Variants in PAPPA2 observed in about 807,000 individuals in gnomAD.
PAPPA2 encodes the protein pappalysin-2.
PAPPA2 carries 86 observed loss-of-function variants against 176.4 expected under a neutral mutation model. The observed-to-expected ratio is 0.49, with a 90% CI of 0.41 to 0.58. The LOEUF (loss-of-function observed/expected upper bound fraction) is 0.58. PAPPA2 is among the 20% of genes least tolerant of loss of function. The pLI, the probability that PAPPA2 is intolerant of heterozygous loss-of-function variation, is 0.00. For synonymous variants in PAPPA2, 809 were observed against 852.2 expected, an observed-to-expected ratio of 0.95 and a Z score of 0.88; for missense variants, 2,073 against 2,256.9, an observed-to-expected ratio of 0.92 and a Z score of 1.65.
At chr1:176,763,892 G>A (rs1045761571) in intron 14 of PAPPA2, among the ~76,000 whole-genome samples, 4 of 152,258 alleles carry the variant, frequency 2.6e-5, no homozygotes, top group African/African-American at 9.6e-5. Flanking sequence ...CTGAATGCCT[G>A]ATACTGGGTA....
At chr1:176,741,116 T>C (rs553930251) in intron 14 of PAPPA2, among the ~76,000 whole-genome samples, 30 of 152,260 alleles carry the variant, frequency 2.0e-4, no homozygotes, top group African/African-American at 7.2e-4. Context: ...ATACCAAAAG[T>C]CAATGGCTGA....
chr1:176,842,638 C>A lies in PAPPA2; in HGVS notation c.*184C>A. On this transcript the variant is annotated 3_prime_UTR_variant, in exon 23 of 23. Transcript: ENST00000367662. ...GGTGTGAACTAGTTCATCAAGTAGC[C>A]CAAGTAGGAGAGAATCATAGGCAAA... 8 of 583,066 alleles carry A rather than the reference C, an allele frequency of 1.4e-5. No homozygotes were observed. The highest frequency in any genetic ancestry group is 2.9e-5 in the East Asian group (1 of 34,080). 36.1% of individuals were successfully genotyped at this position (583,066 alleles called of 1,614,324 possible). A position where few individuals can be genotyped will look rare whatever the true frequency, so the allele number is the denominator to read the frequency against.
intron 1 of PAPPA2, among the ~76,000 whole-genome samples, chr1:176,530,810 G>A (rs1649770311): frequency 6.6e-6 from 1 of 152,198 alleles, no homozygotes; most frequent in Admixed American, 6.5e-5. Context: ...ATTTCATGGA[G>A]TTCCCTTAGA....
At chr1:176,612,614 G>A (rs955450777) in intron 3 of PAPPA2, among the ~76,000 whole-genome samples, 3 of 152,104 alleles carry the variant, frequency 2.0e-5, no homozygotes, top group African/African-American at 7.2e-5. Flanking sequence ...CTTCTCAAGA[G>A]AACAACTGCC....
chr1:176,484,904 C>T (rs920067318), intron 1 of PAPPA2, among the ~76,000 whole-genome samples: 1 of 152,206 alleles, frequency 6.6e-6, no homozygotes, highest in Non-Finnish European at 1.5e-5. Context: ...TCACTTCTTT[C>T]CTGCCCCAGC....
At chr1:176,479,801 G>C (rs541837319) in intron 1 of PAPPA2, among the ~76,000 whole-genome samples, 9 of 152,192 alleles carry the variant, frequency 5.9e-5, no homozygotes. Context: ...AAGCACTGCA[G>C]TCAGGAAGCC....
intron 1 of PAPPA2, among the ~76,000 whole-genome samples, chr1:176,506,941 A>T (rs148710054): frequency 6.6e-6 from 1 of 152,242 alleles, no homozygotes; most frequent in East Asian, 1.9e-4. Context: ...GACAAGTGAG[A>T]CCTAATTAAA....
chr1:176,492,629 G>T (rs1034040074), intron 1 of PAPPA2, among the ~76,000 whole-genome samples: 1 of 152,244 alleles, frequency 6.6e-6, no homozygotes, highest in Admixed American at 6.5e-5. Flanking sequence ...AGTGTGGTGG[G>T]GGTAGTGGTG....
chr1:176,588,195 T>C (rs2102640200), intron 2 of PAPPA2, among the ~76,000 whole-genome samples: 1 of 152,350 alleles, frequency 6.6e-6, no homozygotes. Context: ...AGTTCATTCA[T>C]GATTTGGCTC....
Position 176,765,784 on chromosome 1 carries a change from C to T in PAPPA2, c.4270C>T (p.Gln1424Ter). The change falls in exon 15 of 23, where the codon CAA becomes TAA. Residue 1424 changes from glutamine to a stop codon, truncating the protein, a stop_gained. Coordinates refer to ENST00000367662, the MANE Select transcript of PAPPA2 (RefSeq NM_020318.3). LOFTEE classifies it high-confidence loss of function. ...PGLMKCAITCQRGFALQASSG... is the reference protein window; with the variant it reads ...PGLMKCAITC ...TCTCATGAAGTGTGCTATCACTTGTCAAAGGGGATTTGCCCTTCAGGCCAG... is the reference window on the plus strand; with the variant it reads ...TCTCATGAAGTGTGCTATCACTTGTTAAAGGGGATTTGCCCTTCAGGCCAG... The T allele has an allele frequency of 1.9e-6, 3 of 1,614,074 alleles. No individual in the cohort carries two copies. Among genetic ancestry groups the T allele is most frequent in the Non-Finnish European group, 2.5e-6 (3 of 1,180,022 alleles).
intron 6 of PAPPA2, among the ~76,000 whole-genome samples, chr1:176,693,294 C>T (rs1660210646): frequency 6.6e-6 from 1 of 152,174 alleles, no homozygotes; most frequent in Admixed American, 6.5e-5. Flanking sequence ...AAACGCAGTT[C>T]CTGCTAAATA....
intron 1 of PAPPA2, among the ~76,000 whole-genome samples, chr1:176,529,733 C>T (rs1312964279): frequency 2.6e-5 from 4 of 152,106 alleles, no homozygotes; most frequent in Non-Finnish European, 4.4e-5. Context: ...GTTTTCAATA[C>T]CGTGGAACGT....
Position 176,556,603 on chromosome 1 carries a change from G to A in PAPPA2, c.281G>A (p.Arg94His), listed in dbSNP as rs1322260361. The A allele has an allele frequency of 2.5e-6, 4 of 1,614,174 alleles. No homozygotes were observed. The highest frequency in any genetic ancestry group is 3.4e-6 in the Non-Finnish European group (4 of 1,180,040). The change falls in exon 2 of 23, where the codon CGC (arginine) becomes CAC (histidine). Residue 94 changes from arginine (R) to histidine (H), a missense_variant. Arg to His is a conservative substitution (Grantham distance 29). This residue lies in a region of PAPPA2 where 1,196 missense variants were observed against 1,330.4 expected (regional missense o/e 0.90). Coordinates refer to ENST00000367662, the MANE Select transcript of PAPPA2 (RefSeq NM_020318.3). Reference sequence around the variant, plus strand: ...GAGCAAGAAATCCATCATACAGGACGCAGCAAACCAGACACTGAAGGAAAT... The same window carrying A: ...GAGCAAGAAATCCATCATACAGGACACAGCAAACCAGACACTGAAGGAAAT... ...VGEQEIHHTG[R>H]SKPDTEGNAV...
intron 17 of PAPPA2, among the ~76,000 whole-genome samples, chr1:176,779,507 C>G (rs1438207635): frequency 1.3e-5 from 2 of 149,334 alleles, no homozygotes; most frequent in African/African-American, 5.0e-5. Context: ...CACACACACA[C>G]ACACACACAC....
chr1:176,502,366 A>C (rs1343860819), intron 1 of PAPPA2, among the ~76,000 whole-genome samples: 2 of 152,210 alleles, frequency 1.3e-5, no homozygotes, highest in East Asian at 3.8e-4. Flanking sequence ...AGTTACTTGT[A>C]TTCTCAGCAT....
At chr1:176,763,098 T>C (rs886129952) in intron 14 of PAPPA2, among the ~76,000 whole-genome samples, 2 of 152,210 alleles carry the variant, frequency 1.3e-5, no homozygotes, top group African/African-American at 4.8e-5. Flanking sequence ...TATTTCAAGG[T>C]AGTATGTGCA....
At chr1:176,770,648 TATG>T (rs1664182842) in intron 16 of PAPPA2, among the ~76,000 whole-genome samples, 1 of 152,232 alleles carries the variant, frequency 6.6e-6, no homozygotes, top group Non-Finnish European at 1.5e-5. Flanking sequence ...TAATGCTTTC[TATG>T]ATAACATCAC....
At chr1:176,754,833 AT>A (rs1252315836) in intron 14 of PAPPA2, among the ~76,000 whole-genome samples, 1 of 152,198 alleles carries the variant, frequency 6.6e-6, no homozygotes, top group Non-Finnish European at 1.5e-5. Context: ...CTGTAGACAG[AT>A]TTGACCGTAA....
At chr1:176,503,532 G>A (rs569182424) in intron 1 of PAPPA2, among the ~76,000 whole-genome samples, 5 of 152,272 alleles carry the variant, frequency 3.3e-5, no homozygotes, top group Non-Finnish European at 7.4e-5. Context: ...AAAATTTTAA[G>A]AGATGGTTAA....
Sources: allele counts gnomAD v4.1 joint callset (sites outside exome capture counted in the v4.1 genomes callset), GRCh38; gene constraint gnomAD v4.1.1; regional missense constraint gnomAD v4.1.1; transcripts MANE v1.5; gene names NCBI Gene and HGNC (gene_info 2026-07-23, HGNC 2026-07-21).